HERPUD2: variants seen among roughly 807,000 people sequenced by gnomAD.
The protein encoded by HERPUD2 is homocysteine-responsive endoplasmic reticulum-resident ubiquitin-like domain member 2 protein.
HERPUD2 carries 13 observed loss-of-function variants against 49.9 expected under a neutral mutation model. The ratio of observed to expected loss-of-function variants is 0.26; its 90% confidence interval spans 0.17 to 0.41. The LOEUF is 0.41. Among genes scored for constraint, HERPUD2 ranks in the 10% least tolerant of loss-of-function variants. The probability of loss-of-function intolerance (pLI) is 1.00; values close to 1 mark genes in which losing one functional copy is unlikely to be tolerated. For synonymous variants in HERPUD2, 172 were observed against 171.4 expected (o/e 1.00, Z -0.03); for missense variants, 449 against 492.2 (o/e 0.91, Z 0.83).
At position 35,658,511 on chromosome 7, in the gene HERPUD2, C is replaced by T. The variant is rs1461233350; in HGVS notation, c.494+8923G>A. ...GATAAATACTCTAGGTGATGGATAC[C>T]GTAAATACCCTGACTTGATCATTAC... On this transcript the variant is annotated intron_variant, in intron 5 of 8. Transcript: ENST00000311350. Among the ~76,000 whole-genome samples, 6 of 152,090 alleles carry T rather than the reference C, an allele frequency of 3.9e-5. 1 individual carries two copies. In the South Asian group the frequency reaches 1.0e-3, roughly 26 times the overall value.
chr7:35,676,909 T>C (rs1164743258), intron 2 of HERPUD2, among the ~76,000 whole-genome samples: 1 of 152,226 alleles, frequency 6.6e-6, no homozygotes, highest in African/African-American at 2.4e-5. Flanking sequence ...ATTGATCTTC[T>C]CTGTCCTTAG....
At chr7:35,675,750 GTATTT>G (rs1188174499) in intron 2 of HERPUD2, among the ~76,000 whole-genome samples, 2 of 152,010 alleles carry the variant, frequency 1.3e-5, no homozygotes, top group Non-Finnish European at 2.9e-5. Flanking sequence ...AGAGAATACT[GTATTT>G]TAATCTTTTT....
chr7:35,682,209 T>TTGTG (rs528354861), intron 2 of HERPUD2, among the ~76,000 whole-genome samples: 5 of 138,704 alleles, frequency 3.6e-5, no homozygotes, highest in Non-Finnish European at 7.7e-5. Flanking sequence ...TGGCTAATTT[T>TTGTG]TGTGTGTGTG....
intron 7 of HERPUD2, 140 bp from the exon 8 acceptor site, chr7:35,634,569 C>G (rs1468566547): frequency 1.7e-6 from 1 of 574,296 alleles, no homozygotes; most frequent in East Asian, 3.0e-5. Flanking sequence ...CACTTCAGGA[C>G]AGGGAACTAC....
At chr7:35,654,808 T>C (rs1785240603) in intron 5 of HERPUD2, among the ~76,000 whole-genome samples, 1 of 151,870 alleles carries the variant, frequency 6.6e-6, no homozygotes, top group African/African-American at 2.4e-5. Context: ...CCTGAACAGC[T>C]GGGATTACAG....
chr7:35,637,535 C>A (rs2115827306), intron 6 of HERPUD2, among the ~76,000 whole-genome samples: 1 of 152,190 alleles, frequency 6.6e-6, no homozygotes, highest in South Asian at 2.1e-4. Flanking sequence ...AAGGCTCATT[C>A]CCCTATGGAA....
chr7:35,667,287 C>A, intron 5 of HERPUD2, 147 bp downstream of exon 5: 1 of 703,766 alleles, frequency 1.4e-6, no homozygotes, highest in Non-Finnish European at 2.3e-6. Context: ...CTCTTCTTAA[C>A]CCTCTAGTTC....
At chr7:35,662,349 T>C (rs1785443471) in intron 5 of HERPUD2, among the ~76,000 whole-genome samples, 1 of 152,174 alleles carries the variant, frequency 6.6e-6, no homozygotes, top group Admixed American at 6.5e-5. Flanking sequence ...TTTTGTTGTG[T>C]CTCTGCCAGG....
At chr7:35,678,996 T>C (rs1785823270) in intron 2 of HERPUD2, among the ~76,000 whole-genome samples, 1 of 152,212 alleles carries the variant, frequency 6.6e-6, no homozygotes. Flanking sequence ...TTTACTCCCA[T>C]AATTTGTTAG....
intron 2 of HERPUD2, among the ~76,000 whole-genome samples, chr7:35,682,357 G>GTATATATATATATA (rs3052526): frequency 3.9e-5 from 1 of 25,826 alleles, no homozygotes; most frequent in African/African-American, 1.4e-4. Context: ...GTGTGTGTGT[G>GTATATATATATATA]TATATATATA....
chr7:35,641,094 A>T (rs147741835), intron 5 of HERPUD2, among the ~76,000 whole-genome samples: 1 of 152,342 alleles, frequency 6.6e-6, no homozygotes, highest in African/African-American at 2.4e-5. Flanking sequence ...AATAAATTGT[A>T]GTTAATATGT....
intron 8 of HERPUD2, 102 bp from the exon 9 acceptor site, chr7:35,633,953 G>A: frequency 1.7e-6 from 2 of 1,204,542 alleles, no homozygotes; most frequent in Non-Finnish European, 2.3e-6. Context: ...ACTATGAAGT[G>A]GTATGTATGT....
At chr7:35,691,114 A>G (rs2116058428) in intron 2 of HERPUD2, among the ~76,000 whole-genome samples, 1 of 152,338 alleles carries the variant, frequency 6.6e-6, no homozygotes, top group Middle Eastern at 3.4e-3. Context: ...ACTTAGCATA[A>G]ATATTCAAAT....
chr7:35,643,717 T>C (rs1785004110), intron 5 of HERPUD2, among the ~76,000 whole-genome samples: 1 of 150,588 alleles, frequency 6.6e-6, no homozygotes, highest in Admixed American at 6.6e-5. Context: ...GAGAACAAGA[T>C]GAGTGAAGAA....
chr7:35,682,306 TAGATATATACAC>T (rs1785918425), intron 2 of HERPUD2, among the ~76,000 whole-genome samples: 1 of 51,498 alleles, frequency 1.9e-5, no homozygotes, highest in African/African-American at 7.6e-5. Flanking sequence ...TGTGTATATA[TAGATATATACAC>T]ATACACACGT....
chr7:35,669,007 A>G (rs143817264), intron 4 of HERPUD2, among the ~76,000 whole-genome samples: 61 of 152,276 alleles, frequency 4.0e-4, no homozygotes, highest in African/African-American at 1.4e-3. Context: ...AGGCTTTCAT[A>G]ACACTGAAAA....
At chr7:35,672,049 G>T (rs1437981292) in intron 3 of HERPUD2, among the ~76,000 whole-genome samples, 1 of 151,944 alleles carries the variant, frequency 6.6e-6, no homozygotes, top group Non-Finnish European at 1.5e-5. Flanking sequence ...AAAACTCATA[G>T]AAAGTGCAAC....
intron 2 of HERPUD2, among the ~76,000 whole-genome samples, chr7:35,682,245 ACACACG>A (rs1785908521): frequency 1.3e-5 from 1 of 75,074 alleles, no homozygotes; most frequent in African/African-American, 6.3e-5. Flanking sequence ...ATATACACAT[ACACACG>A]TGTGTGTGTG....
chr7:35,638,836 A>G (rs2115832708), intron 5 of HERPUD2, among the ~76,000 whole-genome samples: 1 of 152,306 alleles, frequency 6.6e-6, no homozygotes, highest in Middle Eastern at 3.4e-3. Flanking sequence ...AATAAATTTC[A>G]TGACAAAATA....
Sources: gnomAD v4.1 joint callset for allele counts (sites outside exome capture counted in the v4.1 genomes callset) on GRCh38, gnomAD v4.1.1 for gene constraint, MANE v1.5 for transcripts, NCBI Gene and HGNC (gene_info 2026-07-23, HGNC 2026-07-21) for gene names.